TAF1: variants seen among roughly 807,000 people sequenced by gnomAD.
The protein encoded by TAF1 is TATA-box binding protein associated factor 1, also known as transcription initiation factor TFIID subunit 1.
Under a neutral mutation model 138.5 loss-of-function variants are expected in TAF1, and 2 were observed. That is an observed-to-expected ratio of 0.01 (90% CI 0.01 to 0.05). The LOEUF (loss-of-function observed/expected upper bound fraction) is 0.05. Ranked by LOEUF, TAF1 falls within the 10% of genes least tolerant of loss-of-function variation. TAF1 has a pLI of 1.00. For missense variants in TAF1, 709 were observed against 1,478.0 expected (o/e 0.48, Z 8.53); for synonymous variants, 437 against 503.2 (o/e 0.87, Z 1.76).
chrX:71,402,123 G>A (rs1285051206), intron 25 of TAF1, among the ~76,000 whole-genome samples: 1 of 110,123 alleles, frequency 9.1e-6, no homozygotes, highest in Non-Finnish European at 1.9e-5. Context: ...CCCTAATCTT[G>A]TTGTGTTTTT....
chrX:71,483,737 A>C (rs2039115318), intron 13 of TAF1, among the ~76,000 whole-genome samples: 1 of 86,815 alleles, frequency 1.2e-5, no homozygotes, highest in African/African-American at 4.7e-5. Flanking sequence ...ATATATTGTG[A>C]ACATCTCTCT....
chrX:71,452,520 G>A (rs1018079531), intron 32 of TAF1, among the ~76,000 whole-genome samples: 3 of 109,739 alleles, frequency 2.7e-5, no homozygotes, highest in South Asian at 3.9e-4. Flanking sequence ...GGGAAGAAGC[G>A]CTCCTCACTT....
At position 71,393,224 on chromosome X, in the gene TAF1, TTGTGTG is replaced by T. The variant is rs201372159; in HGVS notation, c.3052-41_3052-36del. 5.8e-3 allele frequency: 5,482 copies of T among 951,501 alleles called. 11 individuals are homozygous for T. The highest frequency in any genetic ancestry group is 0.011 in the Middle Eastern group (39 of 3,415). 78.4% of individuals were successfully genotyped at this position (951,501 alleles called of 1,213,427 possible). On this transcript the variant is annotated intron_variant, in intron 20 of 37. Transcript: ENST00000423759. ...TTGTCCTTTGAAATCCCTGAATGAT[TTGTGTG>T]TGTGTGTGTGTGTGTGTGTGTGTGT...
At chrX:71,453,106 GAGAGGGAGAGGGAGAGGGAGAGGAGGA>G (rs1367833110) in intron 32 of TAF1, among the ~76,000 whole-genome samples, 2 of 109,069 alleles carry the variant, frequency 1.8e-5, no homozygotes, top group African/African-American at 6.7e-5. Context: ...GGAGAGGAGG[GAGAGGGAGAGGGAGAGGGAGAGGAGGA>G]ATTCTGTCTT....
chrX:71,367,674 CT>C, intron 2 of TAF1, 61 bp downstream of exon 2: 1 of 1,136,826 alleles, frequency 8.8e-7, no homozygotes, highest in Non-Finnish European at 1.2e-6. Flanking sequence ...TATGTATGTA[CT>C]TTTTTGTGTG....
intron 13 of TAF1, among the ~76,000 whole-genome samples, chrX:71,500,816 A>C (rs2039490303): frequency 9.1e-6 from 1 of 110,452 alleles, no homozygotes. Context: ...TAATCCCAGC[A>C]CTTTGGGAGG....
intron 32 of TAF1, among the ~76,000 whole-genome samples, chrX:71,428,120 A>G (rs1044822284): frequency 9.9e-6 from 1 of 100,706 alleles, no homozygotes; most frequent in Non-Finnish European, 2.0e-5. Flanking sequence ...GGTTCAAGCA[A>G]TTCTCCTGCC....
At chrX:71,393,043 A>C (rs750714423) in intron 20 of TAF1, 49 bp downstream of exon 20, 3 of 1,192,338 alleles carry the variant, frequency 2.5e-6, no homozygotes, top group South Asian at 3.7e-5. Flanking sequence ...CTTTGTATAG[A>C]GTTGGAATTG....
intron 13 of TAF1, among the ~76,000 whole-genome samples, chrX:71,490,309 A>T (rs1271510313): frequency 8.9e-6 from 1 of 112,370 alleles, no homozygotes; most frequent in Admixed American, 9.5e-5. Context: ...TGTTCTTTAA[A>T]AATTACCCAA....
At chrX:71,484,623 C>T (rs141541592) in intron 13 of TAF1, among the ~76,000 whole-genome samples, 4,117 of 111,566 alleles carry the variant, frequency 0.037, 102 homozygotes, top group Middle Eastern at 0.064. Context: ...TGAGCCACCG[C>T]GCCTGGCCAA....
At chrX:71,418,702 G>A (rs1370347531) in intron 28 of TAF1, among the ~76,000 whole-genome samples, 1 of 110,629 alleles carries the variant, frequency 9.0e-6, no homozygotes, top group East Asian at 2.8e-4. Context: ...AGGGAGTGTA[G>A]GAGATAGGTC....
chrX:71,418,940 T>A (rs2036180190), intron 28 of TAF1, among the ~76,000 whole-genome samples: 1 of 110,747 alleles, frequency 9.0e-6, no homozygotes, highest in African/African-American at 3.3e-5. Context: ...GCTAATTTTG[T>A]ATTTTTAGTA....
intron 32 of TAF1, among the ~76,000 whole-genome samples, chrX:71,436,373 G>A (rs1471430567): frequency 1.8e-5 from 2 of 108,247 alleles, no homozygotes; most frequent in East Asian, 2.9e-4. Flanking sequence ...CCGCCACAAC[G>A]CCCGGCTAAT....
chrX:71,440,556 G>A (rs769767209), intron 32 of TAF1, among the ~76,000 whole-genome samples: 4 of 107,961 alleles, frequency 3.7e-5, no homozygotes, highest in South Asian at 4.1e-4. Context: ...ATTGTAATAA[G>A]GCTTGAGGGA....
chrX:71,401,620 T>C lies in TAF1; in HGVS notation c.3879T>C (p.Pro1293=), dbSNP rs141756038. 32 of 1,210,185 alleles carry C rather than the reference T, an allele frequency of 2.6e-5. No individual in the cohort carries two copies. The highest frequency in any genetic ancestry group is 4.6e-4 in the Middle Eastern group (2 of 4,355). The change falls in exon 25 of 38, where the codon CCT becomes CCC. Residue 1293 remains proline (P), a synonymous_variant. Coordinates refer to ENST00000423759, the MANE Select transcript of TAF1 (RefSeq NM_004606.5). ...YYQTNAPPSN[P]VAMTEEQEEE... is the part of the protein sequence containing the mutation. The stretch of plus-strand genomic sequence containing the variant: ...AAACAAATGCGCCACCTTCCAACCC[T>C]GTTGCCATGACAGAAGAACAGGAGG...
Position 71,384,965 on chromosome X carries a change from A to G in TAF1, c.2142A>G (p.Gly714=). The change falls in exon 14 of 38, where the codon GGA becomes GGG. Residue 714 remains glycine, a synonymous_variant. Transcript: ENST00000423759. The stretch of plus-strand genomic sequence containing the variant: ...TATAGAAACCTGGAAAAGATCCTGG[A>G]GCACCAGATTGTAAATATGGGGAAA... The part of the protein sequence containing the change: ...YYKRKPGKDP[G]APDCKYGETV... The G allele has an allele frequency of 8.3e-7, 1 of 1,209,680 alleles. No individual in the cohort carries two copies. The highest frequency in any genetic ancestry group is 1.8e-5 in the South Asian group (1 of 56,700).
intron 32 of TAF1, among the ~76,000 whole-genome samples, chrX:71,442,584 G>A (rs959563797): frequency 8.9e-6 from 1 of 111,882 alleles, no homozygotes; most frequent in African/African-American, 3.2e-5. Context: ...TGGGTAGATT[G>A]CAAAAATTTT....
rs1205535187 is a variant in TAF1 at position 71,503,348 on chromosome X, A to ATATATATATATGTGTG, written c.1367-25183_1367-25182insGTGTGTATATATATAT. ...TGTGTGTATATATATATATATGTGT[A>ATATATATATATGTGTG]TATATATATATATACACACACATTT... On this transcript the variant is annotated intron_variant and NMD_transcript_variant, in intron 13 of 14. Transcript: ENST00000373775. Among the ~76,000 whole-genome samples, 597 of 92,831 alleles carry ATATATATATATGTGTG rather than the reference A, an allele frequency of 6.4e-3. 16 individuals are homozygous for ATATATATATATGTGTG. Among genetic ancestry groups the ATATATATATATGTGTG allele is most frequent in the African/African-American group, 0.024 (557 of 23,183 alleles). The allele number at this position is 92,831 out of a possible 115,157, so 80.6% of individuals were successfully genotyped here. A position where few individuals can be genotyped will look rare whatever the true frequency, so the allele number is the denominator to read the frequency against.
intron 13 of TAF1, among the ~76,000 whole-genome samples, chrX:71,500,132 G>T (rs1205743421): frequency 9.0e-6 from 1 of 110,952 alleles, no homozygotes; most frequent in African/African-American, 3.3e-5. Context: ...ATAGGAAGGG[G>T]AGCTGTAGGA....
Sources: allele counts gnomAD v4.1 joint callset (sites outside exome capture counted in the v4.1 genomes callset), GRCh38; gene constraint gnomAD v4.1.1; transcripts MANE v1.5; gene names NCBI Gene and HGNC (gene_info 2026-07-23, HGNC 2026-07-21).